Variants in SLC35D2 observed in about 807,000 individuals in gnomAD.
The protein encoded by SLC35D2 is solute carrier family 35 member D2.
A neutral mutation model predicts 41.8 loss-of-function variants in SLC35D2; 43 were observed. That is an observed-to-expected ratio of 1.03 (90% confidence interval 0.81 to 1.33). The LOEUF (loss-of-function observed/expected upper bound fraction) is 1.33, where lower values mean the gene tolerates loss of function less well. SLC35D2 is among the 40% of genes most tolerant of loss of function. SLC35D2 has a pLI of 0.00. For missense variants in SLC35D2, 380 were observed against 408.4 expected (o/e 0.93, Z 0.60); for synonymous variants, 150 against 163.9 (o/e 0.92, Z 0.65).
chr9:96,323,565 A>G (rs1037621759), intron 10 of SLC35D2, among the ~76,000 whole-genome samples: 1 of 152,004 alleles, frequency 6.6e-6, no homozygotes, highest in Non-Finnish European at 1.5e-5. Flanking sequence ...CCCCAACTTA[A>G]AAGTTATAAT....
At chr9:96,322,726 T>G (rs1437755961) in intron 10 of SLC35D2, among the ~76,000 whole-genome samples, 3 of 143,680 alleles carry the variant, frequency 2.1e-5, no homozygotes, top group Admixed American at 6.8e-5. Context: ...GGTTTTTTTT[T>G]TTTTTTTTTT....
At chr9:96,323,962 G>A (rs112747805) in intron 10 of SLC35D2, 129 bp downstream of exon 10, 9 of 686,488 alleles carry the variant, frequency 1.3e-5, no homozygotes, top group Admixed American at 2.4e-5. Context: ...CACACAGGCC[G>A]AGCTGAAAAG....
chr9:96,357,919 G>A (rs187333979), intron 4 of SLC35D2, among the ~76,000 whole-genome samples: 436 of 151,696 alleles, frequency 2.9e-3, no homozygotes, highest in Non-Finnish European at 4.6e-3. Context: ...CACACCTGTA[G>A]CCCCAGCTAT....
Position 96,326,926 on chromosome 9 carries a change from A to T in SLC35D2, c.753-2757T>A, listed in dbSNP as rs113460007. ...TATTTATCCATACAATGAAAAAATTAAAAAACTCAAACTGATGCCACTGAG... is the reference window on the plus strand; with the variant it reads ...TATTTATCCATACAATGAAAAAATTTAAAAACTCAAACTGATGCCACTGAG... On this transcript the variant is annotated intron_variant, in intron 9 of 11. Transcript: ENST00000253270. Among the ~76,000 whole-genome samples the T allele has an allele frequency of 1.8e-3, 270 of 152,326 alleles. 2 individuals are homozygous for T. Among genetic ancestry groups the T allele is most frequent in the African/African-American group, 6.1e-3 (253 of 41,566 alleles).
At chr9:96,332,276 C>T (rs113777581) in intron 9 of SLC35D2, among the ~76,000 whole-genome samples, 31 of 152,082 alleles carry the variant, frequency 2.0e-4, no homozygotes, top group African/African-American at 7.0e-4. Flanking sequence ...CCTTCGCACC[C>T]GTCAGGAGAG....
chr9:96,335,028 C>A (rs10820386), intron 9 of SLC35D2, among the ~76,000 whole-genome samples: 28,179 of 152,180 alleles, frequency 0.19, 3,092 homozygotes, highest in African/African-American at 0.3. Flanking sequence ...CATGTGAGTA[C>A]ATCATTGCAA....
chr9:96,346,486 G>A (rs1829581636), intron 6 of SLC35D2, among the ~76,000 whole-genome samples: 3 of 152,234 alleles, frequency 2.0e-5, no homozygotes, highest in African/African-American at 7.2e-5. Flanking sequence ...TGGGAGAAGC[G>A]GTCCTCTTCA....
chr9:96,338,843 A>C (rs904397909), intron 8 of SLC35D2, among the ~76,000 whole-genome samples: 5 of 152,184 alleles, frequency 3.3e-5, no homozygotes, highest in Non-Finnish European at 7.3e-5. Context: ...ACAAAACAAA[A>C]CCACAAAAAT....
chr9:96,339,979 C>A (rs1434496531), intron 8 of SLC35D2, among the ~76,000 whole-genome samples: 4 of 152,214 alleles, frequency 2.6e-5, no homozygotes, highest in African/African-American at 9.7e-5. Context: ...AGTTTCTTTC[C>A]ATTAACAAGA....
At chr9:96,343,385 T>TA (rs1216187447) in intron 8 of SLC35D2, among the ~76,000 whole-genome samples, 4 of 152,168 alleles carry the variant, frequency 2.6e-5, no homozygotes, top group Admixed American at 2.6e-4. Context: ...GGATAGGTTT[T>TA]AAAATACTCC....
At chr9:96,338,922 T>A (rs1397364224) in intron 8 of SLC35D2, among the ~76,000 whole-genome samples, 3 of 152,130 alleles carry the variant, frequency 2.0e-5, no homozygotes, top group Non-Finnish European at 2.9e-5. Context: ...AGTTTTAAAT[T>A]TCAAACCAAG....
At chr9:96,371,725 T>TC (rs1257195549) in intron 1 of SLC35D2, among the ~76,000 whole-genome samples, 69 of 113,618 alleles carry the variant, frequency 6.1e-4, no homozygotes, top group Non-Finnish European at 1.1e-3. Context: ...TTTCTTTTTT[T>TC]TTTTTTTTTT....
chr9:96,336,820 A>G lies in SLC35D2; in HGVS notation c.685-36T>C, dbSNP rs370577275. On this transcript the variant is annotated intron_variant, in intron 8 of 11. Transcript: ENST00000253270. ...AAAGAAAAAAACTAATGATTAGGTTAATAATACTGCAGTTTAAATTTACTG... is the reference window on the plus strand; with the variant it reads ...AAAGAAAAAAACTAATGATTAGGTTGATAATACTGCAGTTTAAATTTACTG... The G allele has an allele frequency of 1.6e-4, 191 of 1,191,226 alleles. No individual in the cohort carries two copies. In the African/African-American group the frequency reaches 2.6e-3, roughly 16 times the overall value. 73.8% of individuals were successfully genotyped at this position (1,191,226 alleles called of 1,614,324 possible).
At chr9:96,336,602 G>A (rs1587847512) in intron 9 of SLC35D2, 115 bp downstream of exon 9, 1 of 708,580 alleles carries the variant, frequency 1.4e-6, no homozygotes, top group Non-Finnish European at 2.4e-6. Flanking sequence ...GTACTTTCCA[G>A]AGAAAGTCAG....
rs73536856 is a variant in SLC35D2 at position 96,354,146 on chromosome 9, A to G, written c.348-2037T>C. 2.6e-3 allele frequency among the ~76,000 whole-genome samples: 394 copies of G among 152,362 alleles called. 1 individual carries two copies. The highest frequency in any genetic ancestry group is 8.8e-3 in the African/African-American group (368 of 41,584). On this transcript the variant is annotated intron_variant, in intron 4 of 11. Transcript: ENST00000253270. The stretch of plus-strand genomic sequence containing the variant: ...AAGTATTCTAGATTATGCCTTTTAA[A>G]AGCAAATAAGGTATACTTAATGGTT...
intron 4 of SLC35D2, among the ~76,000 whole-genome samples, chr9:96,355,171 C>A (rs1336010358): frequency 3.3e-5 from 5 of 151,686 alleles, no homozygotes; most frequent in Non-Finnish European, 7.4e-5. Context: ...GTGTGCACTA[C>A]CATGCCTGGC....
At chr9:96,378,016 C>A (rs1831027895) in intron 1 of SLC35D2, among the ~76,000 whole-genome samples, 1 of 152,164 alleles carries the variant, frequency 6.6e-6, no homozygotes, top group African/African-American at 2.4e-5. Flanking sequence ...AGTAAGAGCA[C>A]ATTAGGAGTT....
intron 7 of SLC35D2, among the ~76,000 whole-genome samples, chr9:96,344,728 TGGGGGA>T (rs1341551712): frequency 2.3e-4 from 1 of 4,280 alleles, no homozygotes; most frequent in East Asian, 6.5e-3. Flanking sequence ...GGGGGAGGGA[TGGGGGA>T]GGGGGAGGGA....
chr9:96,341,226 T>A (rs935047774), intron 8 of SLC35D2, among the ~76,000 whole-genome samples: 12 of 151,984 alleles, frequency 7.9e-5, no homozygotes, highest in African/African-American at 2.9e-4. Flanking sequence ...GACAGAAGTT[T>A]CAGTGAGCCA....
Sources: gnomAD v4.1 joint callset for allele counts (sites outside exome capture counted in the v4.1 genomes callset) on GRCh38, gnomAD v4.1.1 for gene constraint, MANE v1.5 for transcripts, NCBI Gene and HGNC (gene_info 2026-07-23, HGNC 2026-07-21) for gene names.